Variants in FNTA observed in about 807,000 individuals in gnomAD.
The protein encoded by FNTA is farnesyltransferase, CAAX box, subunit alpha.
In FNTA, 27 loss-of-function variants were observed where a neutral mutation model predicts 55.2. That is an observed-to-expected ratio of 0.49 (90% CI 0.36 to 0.67). The LOEUF (loss-of-function observed/expected upper bound fraction) is 0.67, where lower values mean the gene tolerates loss of function less well. FNTA is among the 30% of genes least tolerant of loss of function. The pLI, the probability that FNTA is intolerant of heterozygous loss-of-function variation, is 0.00. For missense variants in FNTA, 422 were observed against 464.7 expected (o/e 0.91, Z 0.85); for synonymous variants, 176 against 170.7 (o/e 1.03, Z -0.24).
chr8:43,061,424 A>G (rs1810526827), intron 2 of FNTA, among the ~76,000 whole-genome samples: 1 of 152,250 alleles, frequency 6.6e-6, no homozygotes, highest in South Asian at 2.1e-4. Flanking sequence ...TCTTGGTAGT[A>G]ACTATAGATG....
chr8:43,059,065 C>T, intron 1 of FNTA, 27 bp from the exon 2 acceptor site: 6 of 1,562,918 alleles, frequency 3.8e-6, no homozygotes, highest in Non-Finnish European at 5.3e-6. Flanking sequence ...TGAATGTAAC[C>T]ACTGGTTGGG....
At chr8:43,084,931 C>A in intron 8 of FNTA, 50 bp downstream of exon 8, 1 of 1,499,836 alleles carries the variant, frequency 6.7e-7, no homozygotes, top group Non-Finnish European at 9.2e-7. Context: ...CAGAATTGAT[C>A]TGCCCAATAC....
At chr8:43,075,280 C>G (rs1158714419) in intron 5 of FNTA, among the ~76,000 whole-genome samples, 1 of 152,178 alleles carries the variant, frequency 6.6e-6, no homozygotes, top group Non-Finnish European at 1.5e-5. Flanking sequence ...CCACTAGGAA[C>G]TTTCACAAAA....
At chr8:43,071,304 T>G (rs553336417) in intron 4 of FNTA, among the ~76,000 whole-genome samples, 1 of 152,260 alleles carries the variant, frequency 6.6e-6, no homozygotes. Context: ...ACTAATAGAT[T>G]TATATAAATA....
At chr8:43,071,408 C>T (rs1442874932) in intron 4 of FNTA, among the ~76,000 whole-genome samples, 1 of 152,098 alleles carries the variant, frequency 6.6e-6, no homozygotes, top group East Asian at 1.9e-4. Flanking sequence ...CGGTGGCTCA[C>T]GTCTGTAATC....
At chr8:43,069,727 C>T in intron 4 of FNTA, 68 bp downstream of exon 4, 2 of 904,064 alleles carry the variant, frequency 2.2e-6, no homozygotes, top group East Asian at 2.5e-5. Flanking sequence ...TCACTGCAGC[C>T]TCTGCCTCCT....
In FNTA at chr8:43,059,150, G is replaced by A; in HGVS notation, c.259G>A (p.Val87Met). 6.2e-7 allele frequency: 1 copy of A among 1,613,060 alleles called. No individual in the cohort carries two copies. Among genetic ancestry groups the A allele is most frequent in the Non-Finnish European group, 8.5e-7 (1 of 1,179,612 alleles). The stretch of plus-strand genomic sequence containing the variant: ...GCCGCAGAATGATGGCCCCAATCCC[G>A]TGGTCCAGATCATTTATAGTGACAA... Reference protein sequence around the residue: ...PVPQNDGPNPVVQIIYSDKFR... With the variant: ...PVPQNDGPNPMVQIIYSDKFR... The change falls in exon 2 of 9, where the codon GTG becomes ATG. Residue 87 changes from valine to methionine, a missense_variant. Coordinates refer to ENST00000302279, the MANE Select transcript of FNTA (RefSeq NM_002027.3).
At chr8:43,072,745 A>G (rs1395585032) in intron 5 of FNTA, among the ~76,000 whole-genome samples, 1 of 152,070 alleles carries the variant, frequency 6.6e-6, no homozygotes, top group Non-Finnish European at 1.5e-5. Flanking sequence ...AAAAACAAAC[A>G]TTATTAACAT....
rs576909633 is a variant in FNTA at position 43,085,049 on chromosome 8, T to C, written c.1018-111T>C. 5.0e-5 allele frequency: 57 copies of C among 1,148,192 alleles called. No individual in the cohort carries two copies. The East Asian group carries it at 1.4e-3, about 28-fold the overall frequency. 71.1% of individuals were successfully genotyped at this position (1,148,192 alleles called of 1,614,324 possible). A position where few individuals can be genotyped will look rare whatever the true frequency, so the allele number is the denominator to read the frequency against. On this transcript the variant is annotated intron_variant, in intron 8 of 8. Transcript: ENST00000302279. ...ACTTGGCAACACAGCCGGTGACTCT[T>C]AATAGTGTGTCTTCATTTGAATGTG...
At chr8:43,064,617 T>C (rs1420521257) in intron 3 of FNTA, among the ~76,000 whole-genome samples, 2 of 152,054 alleles carry the variant, frequency 1.3e-5, no homozygotes, top group Non-Finnish European at 2.9e-5. Context: ...GCCTGGCCTT[T>C]AATTTTTATC....
intron 4 of FNTA, among the ~76,000 whole-genome samples, chr8:43,071,205 T>C (rs1023852166): frequency 6.6e-6 from 1 of 152,134 alleles, no homozygotes; most frequent in African/African-American, 2.4e-5. Flanking sequence ...TACCATACAA[T>C]TCCCCCATTC....
chr8:43,067,669 TAATG>T (rs1810692732), intron 3 of FNTA, among the ~76,000 whole-genome samples: 2 of 151,366 alleles, frequency 1.3e-5, no homozygotes, highest in Admixed American at 6.6e-5. Flanking sequence ...TTTGGAATAA[TAATG>T]GAGAGAAATA....
At chr8:43,061,878 C>T (rs1563325670) in intron 2 of FNTA, among the ~76,000 whole-genome samples, 1 of 152,036 alleles carries the variant, frequency 6.6e-6, no homozygotes, top group African/African-American at 2.4e-5. Context: ...CGACACCACA[C>T]CTGGCTAATT....
At chr8:43,071,706 A>G (rs557770687) in intron 4 of FNTA, among the ~76,000 whole-genome samples, 1 of 151,944 alleles carries the variant, frequency 6.6e-6, no homozygotes, top group Non-Finnish European at 1.5e-5. Context: ...AAAAAAAAAA[A>G]AAAAACAAAA....
At chr8:43,067,591 G>A (rs1810689091) in intron 3 of FNTA, among the ~76,000 whole-genome samples, 1 of 150,544 alleles carries the variant, frequency 6.6e-6, no homozygotes, top group African/African-American at 2.4e-5. Context: ...CAGTATACCT[G>A]GAATCCTTAC....
chr8:43,056,482 G>A lies in FNTA; in HGVS notation c.136G>A (p.Ala46Thr). ...KEEMAAEAGEAVASPMDDGFV... is the reference protein window; with the variant it reads ...KEEMAAEAGETVASPMDDGFV... The stretch of plus-strand genomic sequence containing the variant: ...AGAGATGGCGGCCGAGGCTGGGGAA[G>A]CCGTGGCGTCCCCCATGGACGACGG... The change falls in exon 1 of 9, where the codon GCC becomes ACC. Residue 46 changes from alanine (A) to threonine (T), a missense_variant. By Grantham distance (58) the Ala-to-Thr change is moderately conservative. Transcript: ENST00000302279. 1 of 1,572,772 alleles carries A rather than the reference G, an allele frequency of 6.4e-7. No homozygotes were observed. Among genetic ancestry groups the A allele is most frequent in the South Asian group, 1.2e-5 (1 of 85,028 alleles).
At chr8:43,057,656 GAAAT>G (rs2130537418) in intron 1 of FNTA, among the ~76,000 whole-genome samples, 1 of 152,236 alleles carries the variant, frequency 6.6e-6, no homozygotes, top group Non-Finnish European at 1.5e-5. Flanking sequence ...TCATTATAGA[GAAAT>G]AAAAAGTGAA....
At chr8:43,071,429 A>C (rs1257437526) in intron 4 of FNTA, among the ~76,000 whole-genome samples, 2 of 151,854 alleles carry the variant, frequency 1.3e-5, no homozygotes, top group African/African-American at 4.8e-5. Flanking sequence ...CCAGCACTTT[A>C]GGAGGCTGAG....
At chr8:43,078,326 A>G (rs1215483968) in intron 6 of FNTA, 1 of 151,356 alleles carries the variant, frequency 6.6e-6, no homozygotes, top group African/African-American at 2.4e-5. Context: ...CCTTGTATAT[A>G]TTATGTTTTT....
Sources: gnomAD v4.1 joint callset for allele counts (sites outside exome capture counted in the v4.1 genomes callset) on GRCh38, gnomAD v4.1.1 for gene constraint, MANE v1.5 for transcripts, NCBI Gene and HGNC (gene_info 2026-07-23, HGNC 2026-07-21) for gene names.